SCRG1: variants seen among roughly 807,000 people sequenced by gnomAD.
The protein encoded by SCRG1 is scrapie-responsive protein 1.
In SCRG1, 3 loss-of-function variants were observed where a neutral mutation model predicts 7.7. The observed-to-expected ratio is 0.39, with a 90% CI of 0.18 to 1.01. The LOEUF (loss-of-function observed/expected upper bound fraction) is 1.01, where lower values mean the gene tolerates loss of function less well. Among genes scored for constraint, SCRG1 ranks in the 50% least tolerant of loss-of-function variants. SCRG1 has a pLI of 0.36. For synonymous variants in SCRG1, 46 were observed against 41.2 expected (o/e 1.12, Z -0.44); for missense variants, 110 against 117.2 (o/e 0.94, Z 0.28).
At chr4:173,450,426 T>C in the SCRG1 span, among the ~76,000 whole-genome samples, 1 of 152,190 alleles carries the variant, frequency 6.6e-6, no homozygotes, top group Non-Finnish European at 1.5e-5. Context: ...TGGGCGTTCC[T>C]GAGCCACTGC....
chr4:173,444,707 G>C, the SCRG1 span, among the ~76,000 whole-genome samples: 434 of 152,298 alleles, frequency 2.8e-3, 2 homozygotes, highest in African/African-American at 9.9e-3. Flanking sequence ...CTCTAGGAAA[G>C]GTTTCCTTAA....
the SCRG1 span, among the ~76,000 whole-genome samples, chr4:173,493,391 C>T: frequency 2.0e-5 from 3 of 152,066 alleles, no homozygotes; most frequent in African/African-American, 7.2e-5. Flanking sequence ...AATCATGCTT[C>T]CTTGAACATT....
At chr4:173,453,875 G>A in the SCRG1 span, among the ~76,000 whole-genome samples, 61 of 152,140 alleles carry the variant, frequency 4.0e-4, no homozygotes, top group South Asian at 8.5e-3. Context: ...TCAGGAGTTC[G>A]AGACCAGCCT....
chr4:173,501,477 G>A, the SCRG1 span, among the ~76,000 whole-genome samples: 19 of 152,214 alleles, frequency 1.2e-4, no homozygotes, highest in African/African-American at 4.3e-4. This position sits in a 1 kb window ranked among gnomAD's most constrained non-coding sequence, Gnocchi z 5.1. Context: ...TGTGGTTGCG[G>A]GCAATGGGGC....
At chr4:173,437,784 C>T in the SCRG1 span, among the ~76,000 whole-genome samples, 1 of 152,172 alleles carries the variant, frequency 6.6e-6, no homozygotes, top group Non-Finnish European at 1.5e-5. Context: ...CCCCGCCTGG[C>T]TACCTTAATC....
chr4:173,451,977 T>C, the SCRG1 span, among the ~76,000 whole-genome samples: 5 of 152,148 alleles, frequency 3.3e-5, no homozygotes, highest in South Asian at 1.0e-3. Flanking sequence ...TCCAAGAGTT[T>C]ACTGATTTTA....
At chr4:173,488,509 G>C in the SCRG1 span, among the ~76,000 whole-genome samples, 8 of 152,270 alleles carry the variant, frequency 5.3e-5, no homozygotes, top group East Asian at 1.5e-3. Context: ...TAAAATTCTA[G>C]TTCTTATCTG....
chr4:173,486,795 G>A, the SCRG1 span, among the ~76,000 whole-genome samples: 1 of 152,054 alleles, frequency 6.6e-6, no homozygotes, highest in African/African-American at 2.4e-5. Context: ...ATATTTTTAG[G>A]CTCAGACTAA....
the SCRG1 span, among the ~76,000 whole-genome samples, chr4:173,517,220 G>A: frequency 6.6e-6 from 1 of 152,170 alleles, no homozygotes; most frequent in Non-Finnish European, 1.5e-5. Flanking sequence ...AAGTGGTGGG[G>A]ACTGCAGTCT....
chr4:173,429,058 C>T, the SCRG1 span, among the ~76,000 whole-genome samples: 1 of 152,074 alleles, frequency 6.6e-6, no homozygotes, highest in Non-Finnish European at 1.5e-5. Flanking sequence ...AAGACATGAT[C>T]TTGTAATGTT....
chr4:173,418,707 GA>G, the SCRG1 span, among the ~76,000 whole-genome samples: 3 of 152,180 alleles, frequency 2.0e-5, no homozygotes, highest in Non-Finnish European at 4.4e-5. Flanking sequence ...AGTGTTGCAG[GA>G]GGGGCCAGGT....
the SCRG1 span, among the ~76,000 whole-genome samples, chr4:173,508,158 G>C: frequency 1.3e-5 from 2 of 152,194 alleles, no homozygotes; most frequent in Non-Finnish European, 2.9e-5. This position sits in a 1 kb window ranked among gnomAD's most constrained non-coding sequence, Gnocchi z 4.4. Flanking sequence ...ACGGCTTCTT[G>C]GAACTCCCCC....
At chr4:173,441,902 G>A in the SCRG1 span, among the ~76,000 whole-genome samples, 977 of 152,144 alleles carry the variant, frequency 6.4e-3, 13 homozygotes, top group African/African-American at 0.022. Flanking sequence ...TAAAGTCTGC[G>A]GTCTAATAAG....
upstream of SCRG1, among the ~76,000 whole-genome samples, chr4:173,408,970 C>T (rs1578972816): frequency 5.9e-5 from 7 of 118,964 alleles, no homozygotes; most frequent in Admixed American, 6.1e-4. Flanking sequence ...CCGGCCTGGG[C>T]GAAAGAGCAA....
chr4:173,450,068 A>C, the SCRG1 span, among the ~76,000 whole-genome samples: 1 of 152,120 alleles, frequency 6.6e-6, no homozygotes, highest in African/African-American at 2.4e-5. Flanking sequence ...GGTTTAATTG[A>C]CTCACAGTTC....
chr4:173,390,456 TTTG>T (rs1739394857), intron 2 of SCRG1, among the ~76,000 whole-genome samples: 2 of 151,490 alleles, frequency 1.3e-5, no homozygotes, highest in African/African-American at 2.4e-5. Flanking sequence ...CACTGAGTTT[TTTG>T]TTGTTGTTGT....
chr4:173,495,542 T>C, the SCRG1 span, among the ~76,000 whole-genome samples: 1 of 152,246 alleles, frequency 6.6e-6, no homozygotes, highest in African/African-American at 2.4e-5. Flanking sequence ...TGGGTTTGCA[T>C]TTATTATAAG....
chr4:173,427,084 C>T, the SCRG1 span, among the ~76,000 whole-genome samples: 1 of 152,170 alleles, frequency 6.6e-6, no homozygotes, highest in East Asian at 1.9e-4. Context: ...TAAAACAGGG[C>T]CAGGCACTGC....
the SCRG1 span, among the ~76,000 whole-genome samples, chr4:173,501,665 T>A: frequency 6.6e-6 from 1 of 152,054 alleles, no homozygotes; most frequent in East Asian, 1.9e-4. The surrounding 1 kb of genome is among the most constrained non-coding windows in gnomAD (Gnocchi z 5.1). Flanking sequence ...GAGGTCACAG[T>A]GATGCTCTGC....
Sources: allele counts gnomAD v4.1 joint callset (sites outside exome capture counted in the v4.1 genomes callset), GRCh38; gene constraint gnomAD v4.1.1; non-coding constraint Gnocchi (gnomAD v3.1); transcripts MANE v1.5; gene names NCBI Gene and HGNC (gene_info 2026-07-23, HGNC 2026-07-21).